The following ANKRD6 variants were observed in gnomAD, a reference collection of about 807,000 sequenced individuals.
ANKRD6 encodes ankyrin repeat domain 6.
A neutral mutation model predicts 82.3 loss-of-function variants in ANKRD6; 56 were observed. The ratio of observed to expected loss-of-function variants is 0.68; its 90% CI spans 0.55 to 0.85. The LOEUF (loss-of-function observed/expected upper bound fraction) is 0.85, where lower values mean the gene tolerates loss of function less well. ANKRD6 is among the 40% of genes least tolerant of loss of function. ANKRD6 has a pLI of 0.00. For missense variants in ANKRD6, 852 were observed against 907.6 expected, an observed-to-expected ratio of 0.94 and a Z score of 0.79; for synonymous variants, 347 against 352.1, an observed-to-expected ratio of 0.99 and a Z score of 0.16.
At chr6:89,459,140 G>A (rs1241667752) in intron 1 of ANKRD6, among the ~76,000 whole-genome samples, 2 of 152,132 alleles carry the variant, frequency 1.3e-5, no homozygotes, top group Non-Finnish European at 2.9e-5. Flanking sequence ...GTGCAATGAT[G>A]TGATCTCGGC....
chr6:89,474,095 C>A (rs1273482143), intron 1 of ANKRD6, among the ~76,000 whole-genome samples: 1 of 146,362 alleles, frequency 6.8e-6, no homozygotes, highest in East Asian at 2.0e-4. Flanking sequence ...CCTTTTGAAA[C>A]CCTGTCTCAA....
rs529682332 is a variant in ANKRD6 at position 89,614,347 on chromosome 6, A to T, written c.615+457A>T. Among the ~76,000 whole-genome samples, 77 of 152,140 alleles carry T rather than the reference A, an allele frequency of 5.1e-4. No homozygotes were observed. The South Asian group carries it at 0.012, about 24-fold the overall frequency. ...TAGCGAGACCCTGTCTCTACAAAAA[A>T]TTTTTTTAAAAATTTGGCCGGCCGT... On this transcript the variant is annotated intron_variant, in intron 7 of 15. Coordinates refer to ENST00000339746, the MANE Select transcript of ANKRD6 (RefSeq NM_001242809.2).
chr6:89,491,465 T>C (rs1284466040), intron 1 of ANKRD6, among the ~76,000 whole-genome samples: 3 of 152,182 alleles, frequency 2.0e-5, no homozygotes, highest in Non-Finnish European at 4.4e-5. Context: ...GAGATGCTTA[T>C]GTAAGAAGTC....
chr6:89,458,874 G>A (rs1281138668), intron 1 of ANKRD6, among the ~76,000 whole-genome samples: 1 of 152,130 alleles, frequency 6.6e-6, no homozygotes, highest in Non-Finnish European at 1.5e-5. Flanking sequence ...TCGTGGTCTT[G>A]GCTAGTTCTT....
rs759652986 is a variant in ANKRD6, at chr6:89,624,805, C to G, written c.1371+114C>G. On this transcript the variant is annotated intron_variant, in intron 13 of 15. Transcript: ENST00000339746. ...ACCCTGGGAGTGTCCAGTGGGCTGTCAGGGAAGAGGCCTGCTTCTGCTTAT... is the reference window on the plus strand; with the variant it reads ...ACCCTGGGAGTGTCCAGTGGGCTGTGAGGGAAGAGGCCTGCTTCTGCTTAT... The G allele has an allele frequency of 1.1e-4, 127 of 1,163,886 alleles. No homozygotes were observed. In the Middle Eastern group the frequency reaches 1.2e-3, roughly 11 times the overall value. The allele number at this position is 1,163,886 out of a possible 1,614,324, so 72.1% of individuals were successfully genotyped here.
At chr6:89,498,832 T>C (rs1437641634) in intron 1 of ANKRD6, among the ~76,000 whole-genome samples, 1 of 152,210 alleles carries the variant, frequency 6.6e-6, no homozygotes, top group Admixed American at 6.5e-5. Context: ...CATTCATTAA[T>C]GTTTTCATAA....
At chr6:89,501,838 G>A (rs1226681629) in intron 1 of ANKRD6, among the ~76,000 whole-genome samples, 1 of 151,292 alleles carries the variant, frequency 6.6e-6, no homozygotes, top group South Asian at 2.1e-4. Flanking sequence ...GATACAAGGA[G>A]TTATCTTAAA....
chr6:89,527,295 T>C (rs1342098964), intron 1 of ANKRD6, among the ~76,000 whole-genome samples: 1 of 152,118 alleles, frequency 6.6e-6, no homozygotes, highest in East Asian at 1.9e-4. Flanking sequence ...GTATATACCA[T>C]AATTTAAAAA....
rs181649426 is a variant in ANKRD6, at chr6:89,602,690, C to T, written c.220-339C>T. 7.9e-5 allele frequency: 21 copies of T among 264,722 alleles called. No individual in the cohort carries two copies. The East Asian group carries it at 1.6e-3, about 20-fold the overall frequency. 16.4% of individuals were successfully genotyped at this position (264,722 alleles called of 1,614,324 possible). A position where few individuals can be genotyped will look rare whatever the true frequency, so the allele number is the denominator to read the frequency against. On this transcript the variant is annotated intron_variant, in intron 3 of 15. Coordinates refer to ENST00000339746, the MANE Select transcript of ANKRD6 (RefSeq NM_001242809.2). ...TTTAATTGCATAGCACACACCTGCC[C>T]TCACACCCACTCTTCACACCTGTGA...
At chr6:89,615,758 T>G (rs1047855787) in intron 7 of ANKRD6, among the ~76,000 whole-genome samples, 3 of 149,496 alleles carry the variant, frequency 2.0e-5, no homozygotes, top group African/African-American at 7.5e-5. Flanking sequence ...GGAGAAAGAA[T>G]GAATTGTTTC....
intron 3 of ANKRD6, among the ~76,000 whole-genome samples, chr6:89,597,266 C>CT (rs547094765): frequency 8.9e-4 from 135 of 152,312 alleles, no homozygotes; most frequent in African/African-American, 3.1e-3. Flanking sequence ...GGTCATAATA[C>CT]TTTTTTATTT....
chr6:89,590,550 A>C (rs2128138880), intron 2 of ANKRD6, among the ~76,000 whole-genome samples: 1 of 152,334 alleles, frequency 6.6e-6, no homozygotes, highest in African/African-American at 2.4e-5. Context: ...TTCTAAAAAA[A>C]TCAGGTTATT....
chr6:89,617,111 T>C (rs1801771203), intron 8 of ANKRD6, among the ~76,000 whole-genome samples: 1 of 152,238 alleles, frequency 6.6e-6, no homozygotes, highest in African/African-American at 2.4e-5. Context: ...CTGTGTGTCC[T>C]GCAGATCCTA....
chr6:89,520,433 C>T (rs577898724), intron 1 of ANKRD6, among the ~76,000 whole-genome samples: 1 of 152,298 alleles, frequency 6.6e-6, no homozygotes, highest in East Asian at 1.9e-4. Flanking sequence ...AGCAGAGACT[C>T]AAAATATATG....
At chr6:89,449,661 C>T (rs1480921853) in intron 1 of ANKRD6, among the ~76,000 whole-genome samples, 1 of 152,176 alleles carries the variant, frequency 6.6e-6, no homozygotes, top group Non-Finnish European at 1.5e-5. Context: ...TGAACCTATG[C>T]CATCTCTGAG....
At chr6:89,627,492 T>A in intron 13 of ANKRD6, 91 bp from the exon 14 acceptor site, 1 of 1,102,088 alleles carries the variant, frequency 9.1e-7, no homozygotes, top group African/African-American at 1.5e-5. Flanking sequence ...GGGCTCCTAC[T>A]TGGTTCCCCA....
At chr6:89,493,407 T>A (rs1463480915) in intron 1 of ANKRD6, among the ~76,000 whole-genome samples, 1 of 152,056 alleles carries the variant, frequency 6.6e-6, no homozygotes, top group African/African-American at 2.4e-5. Context: ...TCCCTCTCCT[T>A]TTTTAATTTT....
At chr6:89,620,942 G>C (rs931077361) in intron 9 of ANKRD6, among the ~76,000 whole-genome samples, 1 of 151,976 alleles carries the variant, frequency 6.6e-6, no homozygotes, top group African/African-American at 2.4e-5. Context: ...GGTGGCGGGC[G>C]CCTGTAGTCC....
chr6:89,613,851 C>G lies in ANKRD6; in HGVS notation c.576C>G (p.Leu192=), dbSNP rs762837092. ...ATAATCACTTGTCCATCATTAGGCT[C>G]CTCCTCACTGCTTTCTGTTCTGTCC... is the stretch of plus-strand genomic sequence containing the variant. ...ARYNHLSIIR[L]LLTAFCSVHE... is the part of the protein sequence containing the mutation. The change falls in exon 7 of 16, where the codon CTC becomes CTG. Residue 192 remains leucine (L), a synonymous_variant. Transcript: ENST00000339746. The G allele has an allele frequency of 3.7e-6, 6 of 1,614,070 alleles. No homozygotes were observed. In the Admixed American group the frequency reaches 1.0e-4, roughly 27 times the overall value.
Sources: gnomAD v4.1 joint callset for allele counts (sites outside exome capture counted in the v4.1 genomes callset) on GRCh38, gnomAD v4.1.1 for gene constraint, MANE v1.5 for transcripts, NCBI Gene and HGNC (gene_info 2026-07-23, HGNC 2026-07-21) for gene names.